The following TBCA variants were observed in gnomAD, a reference collection of about 807,000 sequenced individuals.
The protein encoded by TBCA is tubulin folding cofactor A.
TBCA carries 6 observed loss-of-function variants against 15.8 expected under a neutral mutation model. The ratio of observed to expected loss-of-function variants is 0.38; its 90% CI spans 0.21 to 0.75. TBCA has a LOEUF of 0.75. Among genes scored for constraint, TBCA ranks in the 30% least tolerant of loss-of-function variants. TBCA has a pLI of 0.46. For missense variants in TBCA, 90 were observed against 131.2 expected (o/e 0.69, Z 1.53); for synonymous variants, 32 against 42.3 (o/e 0.76, Z 0.94).
chr5:77,748,089 A>G lies in TBCA; in HGVS notation c.53+28116T>C, dbSNP rs558858176. 2.0e-5 allele frequency among the ~76,000 whole-genome samples: 3 copies of G among 152,348 alleles called. No individual in the cohort carries two copies. The South Asian group carries it at 6.2e-4, about 32-fold the overall frequency. ...CATAAGCAATGGTTATTCTTCAGCT[A>G]TCACAAAATTATTTAAAAACTGAAA... On this transcript the variant is annotated intron_variant, in intron 1 of 3. Transcript: ENST00000380377.
chr5:77,717,419 T>C (rs1031321493), intron 1 of TBCA, among the ~76,000 whole-genome samples: 1 of 151,120 alleles, frequency 6.6e-6, no homozygotes, highest in Non-Finnish European at 1.5e-5. Context: ...ATGAAGAAAG[T>C]AAGATTAAAT....
intron 1 of TBCA, among the ~76,000 whole-genome samples, chr5:77,733,110 G>A (rs897978025): frequency 3.3e-5 from 5 of 152,086 alleles, no homozygotes; most frequent in African/African-American, 7.2e-5. Flanking sequence ...GCGAAACCCC[G>A]TCTCTACTAA....
chr5:77,706,991 T>C (rs1330324456), intron 2 of TBCA, among the ~76,000 whole-genome samples: 2 of 151,902 alleles, frequency 1.3e-5, no homozygotes, highest in African/African-American at 4.8e-5. Context: ...AAAGAAGAAA[T>C]TGTTTTTTGT....
In TBCA at chr5:77,708,283, T is replaced by C. The variant is rs148477021; in HGVS notation, c.118A>G (p.Met40Val). The C allele has an allele frequency of 3.1e-6, 5 of 1,611,716 alleles. No individual in the cohort carries two copies. The highest frequency in any genetic ancestry group is 4.2e-6 in the Non-Finnish European group (5 of 1,178,772). Residue 40 changes from methionine (M) to valine (V), a missense_variant, in exon 2 of 4, where the codon ATG becomes GTG. Physicochemically the swap from Met to Val is conservative, Grantham distance 21 (BLOSUM62 1). Transcript: ENST00000380377. ...TAATTTTCACCGTCTTCAGCTCTCA[T>C]TTTTTCAATCTTTTCTTCTTGTTGT... ...AKQQEEKIEK[M>V]RAEDGENYDI...
At chr5:77,768,039 T>C (rs1207942679) in intron 1 of TBCA, among the ~76,000 whole-genome samples, 5 of 152,156 alleles carry the variant, frequency 3.3e-5, no homozygotes, top group African/African-American at 4.8e-5. Context: ...AGACACAGTG[T>C]TCAGCGCACC....
At chr5:77,692,758 C>A in intron 3 of TBCA, 1 of 996,638 alleles carries the variant, frequency 1.0e-6, no homozygotes, top group Non-Finnish European at 1.2e-6. Context: ...GGCATTTATA[C>A]CAGCAAGTAT....
chr5:77,761,615 C>T (rs907076499), intron 1 of TBCA, among the ~76,000 whole-genome samples: 1 of 151,640 alleles, frequency 6.6e-6, no homozygotes, highest in Admixed American at 6.6e-5. Flanking sequence ...CTCCGAGAAA[C>T]ACCCAAGAAT....
chr5:77,724,595 A>T (rs1746590203), intron 1 of TBCA, among the ~76,000 whole-genome samples: 1 of 152,140 alleles, frequency 6.6e-6, no homozygotes, highest in Non-Finnish European at 1.5e-5. Flanking sequence ...TGACCTTGAA[A>T]ATCACTTCAG....
At chr5:77,718,162 G>GT (rs1746445893) in intron 1 of TBCA, among the ~76,000 whole-genome samples, 1 of 152,104 alleles carries the variant, frequency 6.6e-6, no homozygotes, top group South Asian at 2.1e-4. Context: ...AGACCACTTT[G>GT]TTTTTAATAA....
chr5:77,765,096 A>G (rs1410291109), intron 1 of TBCA, among the ~76,000 whole-genome samples: 2 of 152,314 alleles, frequency 1.3e-5, no homozygotes, highest in Middle Eastern at 3.4e-3. Flanking sequence ...AACAAAACAA[A>G]AAATAGAAAA....
At chr5:77,699,591 G>A (rs573371874) in intron 2 of TBCA, among the ~76,000 whole-genome samples, 23 of 152,162 alleles carry the variant, frequency 1.5e-4, no homozygotes, top group African/African-American at 5.5e-4. Context: ...CCTCAAAACG[G>A]ATTGAAGACT....
At chr5:77,710,687 T>C (rs1746259241) in intron 1 of TBCA, among the ~76,000 whole-genome samples, 1 of 152,206 alleles carries the variant, frequency 6.6e-6, no homozygotes, top group Admixed American at 6.5e-5. Flanking sequence ...TTGTCTCCTA[T>C]AGATGGGTCA....
At position 77,742,731 on chromosome 5, in the gene TBCA, T is replaced by C. The variant is rs116635305; in HGVS notation, c.53+33474A>G. Among the ~76,000 whole-genome samples, 612 of 152,344 alleles carry C rather than the reference T, an allele frequency of 4.0e-3. 5 individuals are homozygous for C. Among genetic ancestry groups the C allele is most frequent in the African/African-American group, 0.014 (570 of 41,580 alleles). On this transcript the variant is annotated intron_variant, in intron 1 of 3. Coordinates refer to ENST00000380377, the MANE Select transcript of TBCA (RefSeq NM_004607.3). ...GGTATTCAAGAACAAGTCATCAATA[T>C]GGTGAATGAGTCTGATAACTATCCA...
chr5:77,770,566 T>A (rs1352459724), intron 1 of TBCA, among the ~76,000 whole-genome samples: 1 of 86,392 alleles, frequency 1.2e-5, no homozygotes, highest in African/African-American at 6.6e-5. Context: ...CACCTAGATA[T>A]CCTCCCCCGC....
At chr5:77,736,065 T>TGG (rs1490448543) in intron 1 of TBCA, among the ~76,000 whole-genome samples, 7 of 152,142 alleles carry the variant, frequency 4.6e-5, no homozygotes, top group African/African-American at 1.7e-4. Context: ...CCGGGTGCGG[T>TGG]GGCTCACGCC....
At chr5:77,749,699 A>G (rs190925802) in intron 1 of TBCA, among the ~76,000 whole-genome samples, 227 of 152,346 alleles carry the variant, frequency 1.5e-3, no homozygotes, top group Non-Finnish European at 2.0e-3. Flanking sequence ...TAAGCCGGCA[A>G]TTGCACTTGT....
chr5:77,742,167 T>C (rs1029087937), intron 1 of TBCA, among the ~76,000 whole-genome samples: 21 of 152,206 alleles, frequency 1.4e-4, no homozygotes, highest in Admixed American at 9.2e-4. Flanking sequence ...GATTTTGGAA[T>C]ACTGGCATTA....
chr5:77,694,318 C>A (rs2112419244), intron 2 of TBCA: 1 of 152,308 alleles, frequency 6.6e-6, no homozygotes, highest in South Asian at 2.1e-4. Flanking sequence ...CAATGTGGCA[C>A]CCCTCTGAAT....
chr5:77,691,473 G>C lies in TBCA; in HGVS notation c.272C>G (p.Ala91Gly), dbSNP rs144406191. Residue 91 changes from alanine (A) to glycine (G), a missense_variant, in exon 4 of 4, where the codon GCT (alanine) becomes GGT (glycine). Ala to Gly is a moderately conservative substitution (Grantham distance 60). Transcript: ENST00000380377. ...TAAACGTGCTTCTTTATATTCCTCA[G>C]CTTCTTCCAAGTCTTTTTCATTTTC... ...ILENEKDLEE[A>G]EEYKEARLVL... 1.3e-6 allele frequency: 2 copies of C among 1,593,902 alleles called. No individual in the cohort carries two copies. The highest frequency in any genetic ancestry group is 2.7e-5 in the African/African-American group (2 of 73,532).
Sources: gnomAD v4.1 joint callset for allele counts (sites outside exome capture counted in the v4.1 genomes callset) on GRCh38, gnomAD v4.1.1 for gene constraint, MANE v1.5 for transcripts, NCBI Gene and HGNC (gene_info 2026-07-23, HGNC 2026-07-21) for gene names.